LPAR3: variants seen among roughly 807,000 people sequenced by gnomAD.
LPAR3 encodes the protein lysophosphatidic acid receptor 3, also known as LPA receptor 3.
A neutral mutation model predicts 17.8 loss-of-function variants in LPAR3; 7 were observed. The ratio of observed to expected loss-of-function variants is 0.39; its 90% CI spans 0.22 to 0.74. LPAR3 has a LOEUF of 0.74. Ranked by LOEUF, LPAR3 falls within the 30% of genes least tolerant of loss-of-function variation. The pLI is 0.40. For synonymous variants in LPAR3, 179 were observed against 179.9 expected (o/e 0.99, Z 0.04); for missense variants, 391 against 453.4 (o/e 0.86, Z 1.25).
At chr1:84,880,223 G>A (rs1044179241) in intron 1 of LPAR3, among the ~76,000 whole-genome samples, 1 of 152,178 alleles carries the variant, frequency 6.6e-6, no homozygotes, top group African/African-American at 2.4e-5. Context: ...CCAGCTACTC[G>A]GGAGGCTGAG....
intron 2 of LPAR3, among the ~76,000 whole-genome samples, chr1:84,857,964 C>G (rs977192712): frequency 1.3e-5 from 2 of 152,110 alleles, no homozygotes; most frequent in East Asian, 3.8e-4. Context: ...TTTATCAATA[C>G]GGGTGTGTGG....
intron 2 of LPAR3, among the ~76,000 whole-genome samples, chr1:84,833,759 G>C (rs1428666001): frequency 6.6e-6 from 1 of 152,178 alleles, no homozygotes; most frequent in African/African-American, 2.4e-5. Context: ...CCCAGCTGCA[G>C]GGGTGGCTGT....
rs1658868094 is a variant in LPAR3, at chr1:84,813,745, C to T, written c.*101G>A. The stretch of plus-strand genomic sequence containing the variant: ...GAAATCTAGCAGTGATTAATGGAGA[C>T]CTCAAATAACACTGTACATGGGCTT... On this transcript the variant is annotated 3_prime_UTR_variant, in exon 3 of 3. Transcript: ENST00000370611. The T allele has an allele frequency of 3.1e-6, 3 of 967,242 alleles. No homozygotes were observed. The highest frequency in any genetic ancestry group is 3.3e-5 in the African/African-American group (2 of 60,592). The allele number at this position is 967,242 out of a possible 1,614,324, so 59.9% of individuals were successfully genotyped here.
chr1:84,830,236 A>C (rs1659255072), intron 2 of LPAR3, among the ~76,000 whole-genome samples: 4 of 152,158 alleles, frequency 2.6e-5, no homozygotes, highest in Admixed American at 2.6e-4. Flanking sequence ...CCAAGTATTG[A>C]GTATCTGAAC....
chr1:84,852,366 A>G (rs536611812), intron 2 of LPAR3, among the ~76,000 whole-genome samples: 75 of 152,286 alleles, frequency 4.9e-4, no homozygotes, highest in African/African-American at 1.8e-3. Flanking sequence ...GGCATGAGCC[A>G]CTATACCCAG....
chr1:84,848,392 T>C (rs950925727), intron 2 of LPAR3, among the ~76,000 whole-genome samples: 7 of 152,194 alleles, frequency 4.6e-5, no homozygotes, highest in African/African-American at 1.7e-4. Context: ...GCACTGTCCC[T>C]GTGGACCACA....
chr1:84,873,678 T>G (rs1300561181), intron 1 of LPAR3, among the ~76,000 whole-genome samples: 3 of 152,168 alleles, frequency 2.0e-5, no homozygotes, highest in Non-Finnish European at 4.4e-5. Flanking sequence ...TTGAGAAAGC[T>G]AAACCCTCAG....
intron 2 of LPAR3, among the ~76,000 whole-genome samples, chr1:84,833,052 G>A (rs953978667): frequency 1.3e-5 from 2 of 152,114 alleles, no homozygotes; most frequent in East Asian, 1.9e-4. Flanking sequence ...CGCTTAAATG[G>A]TTCTTTCTTT....
intron 2 of LPAR3, among the ~76,000 whole-genome samples, chr1:84,816,355 C>T (rs1658931966): frequency 6.6e-6 from 1 of 152,174 alleles, no homozygotes; most frequent in African/African-American, 2.4e-5. Context: ...CAGTTTCCTA[C>T]TTGGAAAAGA....
intron 2 of LPAR3, among the ~76,000 whole-genome samples, chr1:84,850,752 G>A (rs1420607112): frequency 2.0e-5 from 3 of 152,206 alleles, no homozygotes. Flanking sequence ...CCCGGCTCAG[G>A]CCAAGATAAC....
At chr1:84,843,246 C>T (rs968962053) in intron 2 of LPAR3, among the ~76,000 whole-genome samples, 1 of 152,218 alleles carries the variant, frequency 6.6e-6, no homozygotes, top group Admixed American at 6.5e-5. Flanking sequence ...CACAGCTATG[C>T]CTCATCTCCT....
At chr1:84,886,145 T>C (rs190942338) in intron 1 of LPAR3, among the ~76,000 whole-genome samples, 5 of 152,370 alleles carry the variant, frequency 3.3e-5, no homozygotes, top group Admixed American at 1.3e-4. Context: ...TTATTCATCC[T>C]ACATAACTGC....
chr1:84,880,028 T>G (rs961490144), intron 1 of LPAR3, among the ~76,000 whole-genome samples: 1 of 152,220 alleles, frequency 6.6e-6, no homozygotes, highest in Non-Finnish European at 1.5e-5. Context: ...ATATAGTACA[T>G]GTATCAAAAC....
intron 2 of LPAR3, among the ~76,000 whole-genome samples, chr1:84,827,472 G>A (rs566668826): frequency 5.6e-4 from 85 of 150,944 alleles, no homozygotes; most frequent in Admixed American, 5.9e-4. Context: ...TAAAATAGAA[G>A]CATACCCTCC....
intron 2 of LPAR3, among the ~76,000 whole-genome samples, chr1:84,860,183 A>G (rs1659911963): frequency 1.3e-5 from 2 of 152,330 alleles, no homozygotes; most frequent in South Asian, 4.2e-4. Context: ...ATGCACACAC[A>G]GATTGAAAAC....
chr1:84,874,142 C>G (rs536416083), intron 1 of LPAR3, among the ~76,000 whole-genome samples: 1 of 152,134 alleles, frequency 6.6e-6, no homozygotes, highest in Non-Finnish European at 1.5e-5. Flanking sequence ...TAATACTGGT[C>G]AGTAGAGGTT....
intron 1 of LPAR3, among the ~76,000 whole-genome samples, chr1:84,876,192 T>C (rs1390575214): frequency 6.6e-6 from 1 of 152,182 alleles, no homozygotes; most frequent in East Asian, 1.9e-4. Flanking sequence ...ATACCCCTCC[T>C]CTCCTGCCTG....
At chr1:84,836,006 C>CTTTTTTTTTTT (rs34491570) in intron 2 of LPAR3, among the ~76,000 whole-genome samples, 3 of 61,740 alleles carry the variant, frequency 4.9e-5, no homozygotes, top group Non-Finnish European at 5.6e-5. Flanking sequence ...CAACCCCGGC[C>CTTTTTTTTTTT]TTTTTTTTTT....
At chr1:84,817,516 G>T (rs1181722298) in intron 2 of LPAR3, among the ~76,000 whole-genome samples, 1 of 152,184 alleles carries the variant, frequency 6.6e-6, no homozygotes, top group East Asian at 1.9e-4. Flanking sequence ...CCTCCAGGTG[G>T]AGGAGGCTTG....
Sources: gnomAD v4.1 joint callset for allele counts (sites outside exome capture counted in the v4.1 genomes callset) on GRCh38, gnomAD v4.1.1 for gene constraint, MANE v1.5 for transcripts, NCBI Gene and HGNC (gene_info 2026-07-23, HGNC 2026-07-21) for gene names.